PACS2: variants seen among roughly 807,000 people sequenced by gnomAD.
PACS2 encodes phosphofurin acidic cluster sorting protein 2.
PACS2 carries 36 observed loss-of-function variants against 113.0 expected under a neutral mutation model. The ratio of observed to expected loss-of-function variants is 0.32; its 90% CI spans 0.24 to 0.42. The LOEUF is 0.42. Ranked by LOEUF, PACS2 falls within the 10% of genes least tolerant of loss-of-function variation. PACS2 has a pLI of 1.00. For synonymous variants in PACS2, 589 were observed against 536.1 expected, an observed-to-expected ratio of 1.10 and a Z score of -1.36; for missense variants, 1,015 against 1,239.5, an observed-to-expected ratio of 0.82 and a Z score of 2.72.
In PACS2 at chr14:105,382,926, C is replaced by T. The variant is rs782707057; in HGVS notation, c.1625+13C>T. 1.3e-5 allele frequency: 19 copies of T among 1,490,420 alleles called. No individual in the cohort carries two copies. In the African/African-American group the frequency reaches 2.1e-4, roughly 16 times the overall value. 92.3% of individuals were successfully genotyped at this position (1,490,420 alleles called of 1,614,324 possible). ...GGATACAGAGATAGTGAGTTGGGCT[C>T]CACCCTGTACTCACCACCCAAGTAC... On this transcript the variant is annotated intron_variant, in intron 15 of 24. Coordinates refer to ENST00000447393, the MANE Select transcript of PACS2 (RefSeq NM_001100913.3).
chr14:105,336,223 C>T (rs1371397896), intron 1 of PACS2, among the ~76,000 whole-genome samples: 1 of 152,254 alleles, frequency 6.6e-6, no homozygotes, highest in Non-Finnish European at 1.5e-5. Context: ...GCTCTGTGCG[C>T]GCCCCCACCC....
rs978039348 is a variant in PACS2 at position 105,317,890 on chromosome 14, G to A, written c.119+2853G>A. Among the ~76,000 whole-genome samples, 3 of 152,140 alleles carry A rather than the reference G, an allele frequency of 2.0e-5. No individual in the cohort carries two copies. The highest frequency in any genetic ancestry group is 4.4e-5 in the Non-Finnish European group (3 of 68,024). On this transcript the variant is annotated intron_variant, in intron 1 of 24. Transcript: ENST00000447393. This position sits in a 1 kb window ranked among gnomAD's most constrained non-coding sequence, Gnocchi z 4.2. ...ACTGGGCATGCTGGGCTGTTGTTGG[G>A]GAGGCCTGTGCTCCGGGTTTCCTTG...
At chr14:105,318,079 T>C (rs1368773449) in intron 1 of PACS2, among the ~76,000 whole-genome samples, 1 of 152,266 alleles carries the variant, frequency 6.6e-6, no homozygotes, top group Non-Finnish European at 1.5e-5. Flanking sequence ...GCTGGGCTGC[T>C]TTGTACCTTG....
intron 4 of PACS2, among the ~76,000 whole-genome samples, chr14:105,364,899 T>C (rs1773525580): frequency 1.3e-5 from 2 of 152,148 alleles, no homozygotes; most frequent in South Asian, 2.1e-4. Flanking sequence ...AGTTTCGCCA[T>C]GTTGCCCAGG....
Position 105,355,232 on chromosome 14 carries a change from C to A in PACS2, c.423+55C>A. 1 of 1,579,114 alleles carries A rather than the reference C, an allele frequency of 6.3e-7. No homozygotes were observed. The highest frequency in any genetic ancestry group is 8.6e-7 in the Non-Finnish European group (1 of 1,160,786). Reference sequence around the variant, plus strand: ...CGGGCTGGCCACCTGGGTGCCAGAGCATTCGCCCGTGGGAGATGGAGATGT... The same window carrying A: ...CGGGCTGGCCACCTGGGTGCCAGAGAATTCGCCCGTGGGAGATGGAGATGT... On this transcript the variant is annotated intron_variant, in intron 4 of 24. Transcript: ENST00000447393. The surrounding 1 kb of genome is among the most constrained non-coding windows in gnomAD (Gnocchi z 4.1).
At chr14:105,391,085 C>T (rs1555414692) in intron 20 of PACS2, 122 bp from the exon 21 acceptor site, 4 of 739,192 alleles carry the variant, frequency 5.4e-6, no homozygotes, top group Admixed American at 1.9e-5. Flanking sequence ...GAGCTGGCAC[C>T]ACCTGGCCGC....
At chr14:105,328,682 C>T (rs1365249649) in intron 1 of PACS2, among the ~76,000 whole-genome samples, 1 of 152,200 alleles carries the variant, frequency 6.6e-6, no homozygotes, top group Non-Finnish European at 1.5e-5. Flanking sequence ...ACACTCAGCA[C>T]CTTTCTGCTG....
In PACS2 at chr14:105,355,225, G is replaced by T; in HGVS notation, c.423+48G>T. 1 of 1,591,730 alleles carries T rather than the reference G, an allele frequency of 6.3e-7. No individual in the cohort carries two copies. Among genetic ancestry groups the T allele is most frequent in the Non-Finnish European group, 8.6e-7 (1 of 1,168,122 alleles). ...CCTGCGTCGGGCTGGCCACCTGGGT[G>T]CCAGAGCATTCGCCCGTGGGAGATG... On this transcript the variant is annotated intron_variant, in intron 4 of 24. Transcript: ENST00000447393. This position sits in a 1 kb window ranked among gnomAD's most constrained non-coding sequence, Gnocchi z 4.1.
At chr14:105,305,258 C>T (rs887404557) in intron 1 of PACS2, among the ~76,000 whole-genome samples, 2 of 151,902 alleles carry the variant, frequency 1.3e-5, no homozygotes, top group African/African-American at 2.4e-5. Context: ...AAAACTTAGC[C>T]GGTTGTGGTA....
intron 8 of PACS2, among the ~76,000 whole-genome samples, chr14:105,375,781 G>A (rs1160694804): frequency 6.6e-6 from 1 of 152,184 alleles, no homozygotes; most frequent in East Asian, 1.9e-4. Context: ...TTGACTTCAG[G>A]GAGGTGAACA....
upstream of PACS2, among the ~76,000 whole-genome samples, chr14:105,309,701 G>A (rs1418870946): frequency 1.3e-5 from 2 of 151,634 alleles, no homozygotes; most frequent in Non-Finnish European, 2.9e-5. The surrounding 1 kb of genome is among the most constrained non-coding windows in gnomAD (Gnocchi z 4.0). Context: ...GCAGGACACC[G>A]AGGATGTCAT....
Position 105,353,576 on chromosome 14 carries a change from GTTTTTCTTTGT to G in PACS2, c.297+1126_297+1136del, listed in dbSNP as rs587735398. On this transcript the variant is annotated intron_variant, in intron 3 of 24. Transcript: ENST00000447393. ...GATTTGTATTTGTTTATTAGGTTGA[GTTTTTCTTTGT>G]TTTTTCTTTGTTTTTTGTTTGTTTG... Among the ~76,000 whole-genome samples, 340 of 152,140 alleles carry G rather than the reference GTTTTTCTTTGT, an allele frequency of 2.2e-3. 1 individual carries two copies. The highest frequency in any genetic ancestry group is 7.8e-3 in the African/African-American group (324 of 41,496).
rs1413989135 is a variant in PACS2, at chr14:105,330,980, C to T, written c.119+15943C>T. On this transcript the variant is annotated intron_variant, in intron 1 of 24. Transcript: ENST00000447393. The surrounding 1 kb of genome is among the most constrained non-coding windows in gnomAD (Gnocchi z 6.9). ...GTTGGCATTTTTTTTTTTTTTGAGA[C>T]AGAGTCATCCTGTTGCCCAGGCTGG... 1.3e-5 allele frequency among the ~76,000 whole-genome samples: 2 copies of T among 150,334 alleles called. No individual in the cohort carries two copies. Among genetic ancestry groups the T allele is most frequent in the African/African-American group, 4.9e-5 (2 of 40,700 alleles).
In PACS2 at chr14:105,387,302, C is replaced by T. The variant is rs782435346; in HGVS notation, c.2033+1585C>T. Reference sequence around the variant, plus strand: ...CCTCGTGAGGTGACTCCTGCTGGCCCGCCCTCCTCTGCCGAGAATGGCACT... The same window carrying T: ...CCTCGTGAGGTGACTCCTGCTGGCCTGCCCTCCTCTGCCGAGAATGGCACT... On this transcript the variant is annotated intron_variant, in intron 19 of 24. Transcript: ENST00000447393. Among the ~76,000 whole-genome samples, 47 of 152,338 alleles carry T rather than the reference C, an allele frequency of 3.1e-4. No individual in the cohort carries two copies. In the Middle Eastern group the frequency reaches 0.01, roughly 33 times the overall value.
intron 1 of PACS2, among the ~76,000 whole-genome samples, chr14:105,326,838 T>C (rs1041058623): frequency 2.6e-5 from 4 of 152,208 alleles, no homozygotes; most frequent in African/African-American, 9.6e-5. Context: ...TGGGAGCTGC[T>C]GTGGTGCCCT....
chr14:105,361,747 C>T lies in PACS2; in HGVS notation c.424-5466C>T, dbSNP rs587647108. On this transcript the variant is annotated intron_variant, in intron 4 of 24. Coordinates refer to ENST00000447393, the MANE Select transcript of PACS2 (RefSeq NM_001100913.3). The stretch of plus-strand genomic sequence containing the variant: ...GGCAGGTCACCTGAGGTCGGGAGCT[C>T]GAGACCAGCCTGACCAACATGGAGA... Among the ~76,000 whole-genome samples the T allele has an allele frequency of 2.5e-4, 38 of 151,554 alleles. 1 individual carries two copies. The highest frequency in any genetic ancestry group is 8.4e-4 in the South Asian group (4 of 4,786).
intron 3 of PACS2, among the ~76,000 whole-genome samples, chr14:105,353,132 A>G (rs1555404519): frequency 5.3e-5 from 4 of 75,416 alleles, no homozygotes; most frequent in Admixed American, 1.6e-4. Flanking sequence ...GCACCCCCTC[A>G]TCACTGTCCC....
At chr14:105,382,082 C>T (rs1284364148) in intron 13 of PACS2, 24 bp downstream of exon 13, 17 of 1,539,692 alleles carry the variant, frequency 1.1e-5, no homozygotes, top group African/African-American at 2.7e-5. Context: ...GCGTGGCACG[C>T]CCAGGAGGCA....
chr14:105,382,760 G>C, intron 14 of PACS2, 47 bp from the exon 15 acceptor site: 1 of 1,233,438 alleles, frequency 8.1e-7, no homozygotes, highest in Non-Finnish European at 1.2e-6. Context: ...TGCTGGGGGT[G>C]GCCTGGGCGG....
Sources: allele counts gnomAD v4.1 joint callset (sites outside exome capture counted in the v4.1 genomes callset), GRCh38; gene constraint gnomAD v4.1.1; non-coding constraint Gnocchi (gnomAD v3.1); transcripts MANE v1.5; gene names NCBI Gene and HGNC (gene_info 2026-07-23, HGNC 2026-07-21).